MUC12: variants seen among roughly 807,000 people sequenced by gnomAD.
MUC12 encodes mucin-12.
MUC12 carries 172 observed loss-of-function variants against 230.8 expected under a neutral mutation model. The observed-to-expected ratio is 0.75, with a 90% CI of 0.66 to 0.85. The LOEUF is 0.85. Among genes scored for constraint, MUC12 ranks in the 40% least tolerant of loss-of-function variants. MUC12 has a pLI of 0.00. For synonymous variants in MUC12, 1,259 were observed against 2,401.9 expected (o/e 0.52, Z 13.91); for missense variants, 3,506 against 5,920.6 (o/e 0.59, Z 13.38).
rs762653077 is a variant in MUC12, at chr7:100,993,883, G to A, written c.3320G>A (p.Ser1107Asn). 6.7e-7 allele frequency: 1 copy of A among 1,491,468 alleles called. No homozygotes were observed. Among genetic ancestry groups the A allele is most frequent in the South Asian group, 1.2e-5 (1 of 82,442 alleles). The allele number at this position is 1,491,468 out of a possible 1,614,324, so 92.4% of individuals were successfully genotyped here. ...GAGGCATCTACCACCTTCTACAGCA[G>A]CCCCAGATCACCAACCACAACACTC... ...LSEASTTFYS[S>N]PRSPTTTLSP... Residue 1107 changes from serine (S) to asparagine (N), a missense_variant, in exon 2 of 12, where the codon AGC becomes AAC. By Grantham distance (46) the Ser-to-Asn change is conservative (BLOSUM62 1). Coordinates refer to ENST00000536621, the MANE Select transcript of MUC12 (RefSeq NM_001164462.2).
chr7:101,008,392 C>T (rs923432170), intron 3 of MUC12, among the ~76,000 whole-genome samples: 3 of 152,136 alleles, frequency 2.0e-5, no homozygotes, highest in South Asian at 2.1e-4. Context: ...CCACAGCACC[C>T]GGCCCAGGGC....
intron 1 of MUC12, among the ~76,000 whole-genome samples, chr7:100,980,602 G>A (rs1262175904): frequency 2.6e-5 from 4 of 152,098 alleles, no homozygotes; most frequent in African/African-American, 9.7e-5. Context: ...ATTAATTTAG[G>A]ATGAATAACT....
At chr7:100,989,096 C>CTTTTTT (rs201150884) in intron 1 of MUC12, among the ~76,000 whole-genome samples, 13 of 134,960 alleles carry the variant, frequency 9.6e-5, no homozygotes, top group Non-Finnish European at 1.6e-4. Context: ...TCTTCCTCTT[C>CTTTTTT]TTCTTTTTTT....
chr7:101,016,540 C>G lies in MUC12; in HGVS notation c.15877+849C>G, dbSNP rs182224456. 2.7e-3 allele frequency among the ~76,000 whole-genome samples: 412 copies of G among 152,292 alleles called. 2 individuals carry two copies. The Middle Eastern group carries it at 0.027, about 10-fold the overall frequency. On this transcript the variant is annotated intron_variant, in intron 10 of 11. Coordinates refer to ENST00000536621, the MANE Select transcript of MUC12 (RefSeq NM_001164462.2). ...ATGTTGGCCAGGCTGGTCTCGAACTCCAGACCTTAGGTGATCCGCCCGCCT... is the reference window on the plus strand; with the variant it reads ...ATGTTGGCCAGGCTGGTCTCGAACTGCAGACCTTAGGTGATCCGCCCGCCT...
chr7:101,004,934 A>C lies in MUC12; in HGVS notation c.14371A>C (p.Ser4791Arg), dbSNP rs772206328. 17 of 1,537,912 alleles carry C rather than the reference A, an allele frequency of 1.1e-5. No homozygotes were observed. The South Asian group carries it at 1.9e-4, about 17-fold the overall frequency. ...TGCCAGCACCACCACCTCAGGCCTCAGTCAGGAATCAACAACTTTCCACAG... is the reference window on the plus strand; with the variant it reads ...TGCCAGCACCACCACCTCAGGCCTCCGTCAGGAATCAACAACTTTCCACAG... ...FPASTTTSGL[S>R]QESTTFHSKP... is the part of the protein sequence containing the mutation. The change falls in exon 2 of 12, where the codon AGT becomes CGT. Residue 4791 changes from serine (S) to arginine (R), a missense_variant. Transcript: ENST00000536621.
At chr7:100,982,027 C>T (rs181777522) in intron 1 of MUC12, among the ~76,000 whole-genome samples, 91 of 152,124 alleles carry the variant, frequency 6.0e-4, no homozygotes, top group East Asian at 4.1e-3. Context: ...CCACCATGCC[C>T]GGCCAATTTT....
intron 1 of MUC12, among the ~76,000 whole-genome samples, 194 bp downstream of exon 1, chr7:100,969,883 G>T (rs1388783053): frequency 6.6e-6 from 1 of 152,308 alleles, no homozygotes; most frequent in African/African-American, 2.4e-5. Context: ...GAGACCTGTG[G>T]GTGCCTGTGG....
chr7:100,991,166 C>A lies in MUC12; in HGVS notation c.603C>A (p.Gly201=), dbSNP rs1438429180. The change falls in exon 2 of 12, where the codon GGC becomes GGA. Residue 201 remains glycine, a synonymous_variant. Coordinates refer to ENST00000536621, the MANE Select transcript of MUC12 (RefSeq NM_001164462.2). The stretch of plus-strand genomic sequence containing the variant: ...CTACAGCTTCCCACAGCATCCCCGG[C>A]TCCACAGACACAACACTGTCCCCTG... ...QESTASHSIP[G]STDTTLSPGT... 3.9e-6 allele frequency: 6 copies of A among 1,537,642 alleles called. No homozygotes were observed. Among genetic ancestry groups the A allele is most frequent in the South Asian group, 1.2e-5 (1 of 84,054 alleles).
At chr7:101,012,548 C>G (rs1261772283) in intron 6 of MUC12, 101 bp downstream of exon 6, 8 of 1,337,050 alleles carry the variant, frequency 6.0e-6, no homozygotes, top group Non-Finnish European at 7.1e-6. Flanking sequence ...ACTCCCAAGA[C>G]TTCTGCCACA....
chr7:100,973,072 A>T (rs1388023719), intron 1 of MUC12: 1 of 700,928 alleles, frequency 1.4e-6, no homozygotes, highest in Non-Finnish European at 2.6e-6. Context: ...AGGAGCAGTA[A>T]GACCAAGCTA....
At chr7:100,969,909 T>C (rs1400977910) in intron 1 of MUC12, among the ~76,000 whole-genome samples, 1 of 152,304 alleles carries the variant, frequency 6.6e-6, no homozygotes, top group African/African-American at 2.4e-5. Context: ...CAGGGGATGG[T>C]CTGCACACAG....
At position 100,991,429 on chromosome 7, in the gene MUC12, C is replaced by T. The variant is rs747035698; in HGVS notation, c.866C>T (p.Pro289Leu). Residue 289 changes from proline to leucine, a missense_variant, in exon 2 of 12, where the codon CCT becomes CTT. Physicochemically the swap from Pro to Leu is moderately conservative, Grantham distance 98. Coordinates refer to ENST00000536621, the MANE Select transcript of MUC12 (RefSeq NM_001164462.2). The part of the protein sequence containing the change: ...QSWPSSKDTS[P>L]APSGTTSAFV... Reference sequence around the variant, plus strand: ...TGGCCAAGCTCAAAGGACACTTCGCCTGCACCTTCTGGTACCACATCAGCC... The same window carrying T: ...TGGCCAAGCTCAAAGGACACTTCGCTTGCACCTTCTGGTACCACATCAGCC... 6.5e-7 allele frequency: 1 copy of T among 1,537,728 alleles called. No homozygotes were observed. Among genetic ancestry groups the T allele is most frequent in the Non-Finnish European group, 8.7e-7 (1 of 1,147,056 alleles).
rs780088749 is a variant in MUC12 at position 101,004,935 on chromosome 7, G to A, written c.14372G>A (p.Ser4791Asn). The change falls in exon 2 of 12, where the codon AGT becomes AAT. Residue 4791 changes from serine (S) to asparagine (N), a missense_variant. Coordinates refer to ENST00000536621, the MANE Select transcript of MUC12 (RefSeq NM_001164462.2). Reference sequence around the variant, plus strand: ...GCCAGCACCACCACCTCAGGCCTCAGTCAGGAATCAACAACTTTCCACAGT... The same window carrying A: ...GCCAGCACCACCACCTCAGGCCTCAATCAGGAATCAACAACTTTCCACAGT... ...FPASTTTSGL[S>N]QESTTFHSKP... 104 of 1,537,730 alleles carry A rather than the reference G, an allele frequency of 6.8e-5. No homozygotes were observed. The highest frequency in any genetic ancestry group is 8.5e-5 in the Non-Finnish European group (97 of 1,147,056).
chr7:101,008,069 G>T (rs1253092421), intron 3 of MUC12, among the ~76,000 whole-genome samples: 1 of 151,682 alleles, frequency 6.6e-6, no homozygotes, highest in East Asian at 1.9e-4. Context: ...CTCCCAAAGT[G>T]CTGGGATTAC....
At chr7:100,975,020 G>GTGTCTCCA (rs1655611638) in intron 1 of MUC12, among the ~76,000 whole-genome samples, 1 of 149,716 alleles carries the variant, frequency 6.7e-6, no homozygotes, top group Admixed American at 6.8e-5. Flanking sequence ...TGGAAGACAA[G>GTGTCTCCA]GGTCTCCAGT....
Position 100,991,531 on chromosome 7 carries a change from C to A in MUC12, c.968C>A (p.Thr323Asn), listed in dbSNP as rs549681832. The part of the protein sequence containing the change: ...PTTHFSASST[T>N]LGHSEESTPV... ...ACCCACTTTTCTGCCAGCTCCACAACCTTGGGCCATAGTGAGGAATCGACA... is the reference window on the plus strand; with the variant it reads ...ACCCACTTTTCTGCCAGCTCCACAAACTTGGGCCATAGTGAGGAATCGACA... The change falls in exon 2 of 12, where the codon ACC (threonine) becomes AAC (asparagine). Residue 323 changes from threonine (T) to asparagine (N), a missense_variant. Coordinates refer to ENST00000536621, the MANE Select transcript of MUC12 (RefSeq NM_001164462.2). 1.9e-5 allele frequency: 29 copies of A among 1,537,158 alleles called. No individual in the cohort carries two copies. Among genetic ancestry groups the A allele is most frequent in the East Asian group, 1.2e-4 (5 of 40,902 alleles).
intron 1 of MUC12, among the ~76,000 whole-genome samples, chr7:100,973,298 T>C (rs1792950659): frequency 1.6e-5 from 1 of 63,764 alleles, no homozygotes; most frequent in Non-Finnish European, 3.4e-5. Context: ...GGAGGCTGTG[T>C]TAACTGGGAG....
Position 101,015,678 on chromosome 7 carries a change from G to T in MUC12, c.15864G>T (p.Thr5288=). 6.5e-7 allele frequency: 1 copy of T among 1,537,536 alleles called. No individual in the cohort carries two copies. Among genetic ancestry groups the T allele is most frequent in the Non-Finnish European group, 8.7e-7 (1 of 1,146,944 alleles). Residue 5288 remains threonine, a synonymous_variant, in exon 10 of 12, where the codon ACG becomes ACT. Coordinates refer to ENST00000536621, the MANE Select transcript of MUC12 (RefSeq NM_001164462.2). Reference sequence around the variant, plus strand: ...GCACCCCTGGCATCTTCCAGAAGACGGCCATCTGGGAAGGTACCTCTAGTT... The same window carrying T: ...GCACCCCTGGCATCTTCCAGAAGACTGCCATCTGGGAAGGTACCTCTAGTT... ...KEGTPGIFQK[T]AIWEDQNLRE...
chr7:100,991,456 T>C lies in MUC12; in HGVS notation c.893T>C (p.Phe298Ser). The C allele has an allele frequency of 1.3e-6, 2 of 1,537,746 alleles. No individual in the cohort carries two copies. Among genetic ancestry groups the C allele is most frequent in the East Asian group, 2.4e-5 (1 of 40,904 alleles). ...GCACCTTCTGGTACCACATCAGCCT[T>C]TGTTAAACTATCTACAACTTATCAC... ...SPAPSGTTSA[F>S]VKLSTTYHSS... The change falls in exon 2 of 12, where the codon TTT becomes TCT. Residue 298 changes from phenylalanine to serine, a missense_variant. By Grantham distance (155) the Phe-to-Ser change is radical. Coordinates refer to ENST00000536621, the MANE Select transcript of MUC12 (RefSeq NM_001164462.2).
Sources: gnomAD v4.1 joint callset for allele counts (sites outside exome capture counted in the v4.1 genomes callset) on GRCh38, gnomAD v4.1.1 for gene constraint, MANE v1.5 for transcripts, NCBI Gene and HGNC (gene_info 2026-07-23, HGNC 2026-07-21) for gene names.